The following ZNF728 variants were observed in gnomAD, a reference collection of about 807,000 sequenced individuals.
ZNF728 encodes the protein zinc finger protein 728.
In ZNF728, 12 loss-of-function variants were observed where a neutral mutation model predicts 12.5. The observed-to-expected ratio is 0.96, with a 90% CI of 0.61 to 1.55. ZNF728 has a LOEUF of 1.55. Among genes scored for constraint, ZNF728 ranks in the 40% most tolerant of loss-of-function variants. ZNF728 has a pLI of 0.00. For missense variants in ZNF728, 692 were observed against 719.2 expected, an observed-to-expected ratio of 0.96 and a Z score of 0.43; for synonymous variants, 205 against 240.7, an observed-to-expected ratio of 0.85 and a Z score of 1.37.
chr19:22,992,795 A>G (rs1311257610), intron 1 of ZNF728, among the ~76,000 whole-genome samples: 4 of 152,146 alleles, frequency 2.6e-5, no homozygotes, highest in Admixed American at 1.3e-4. Context: ...GCCTGACACA[A>G]TTCTGTTCTG....
chr19:22,987,246 G>C, intron 3 of ZNF728, 62 bp downstream of exon 3: 1 of 1,474,778 alleles, frequency 6.8e-7, no homozygotes, highest in South Asian at 1.4e-5. Context: ...TCACTTTAAG[G>C]ACTGGCTTTC....
At chr19:22,995,312 A>G (rs1344382814) in intron 1 of ZNF728, 1 of 152,224 alleles carries the variant, frequency 6.6e-6, no homozygotes, top group Non-Finnish European at 1.5e-5. Context: ...ATTGGATATA[A>G]GATTGATCAA....
intron 1 of ZNF728, among the ~76,000 whole-genome samples, chr19:22,991,055 C>G (rs189317568): frequency 6.6e-6 from 1 of 152,292 alleles, no homozygotes; most frequent in East Asian, 1.9e-4. Flanking sequence ...AACACAGAGT[C>G]CCTTACACCC....
chr19:22,992,905 G>A (rs1227887316), intron 1 of ZNF728, among the ~76,000 whole-genome samples: 1 of 152,112 alleles, frequency 6.6e-6, no homozygotes, highest in Non-Finnish European at 1.5e-5. Context: ...AGAAGACTCG[G>A]GATGATTCTA....
intron 3 of ZNF728, 36 bp downstream of exon 3, chr19:22,987,272 C>T (rs758623890): frequency 8.9e-6 from 14 of 1,579,704 alleles, no homozygotes; most frequent in Admixed American, 1.8e-5. Context: ...GACTTTGGAC[C>T]TCTCATCCAT....
intron 1 of ZNF728, among the ~76,000 whole-genome samples, chr19:22,991,427 T>C (rs1240705019): frequency 1.3e-5 from 2 of 152,170 alleles, no homozygotes; most frequent in South Asian, 4.1e-4. Flanking sequence ...AAGGTAAATA[T>C]AGACAGATGA....
At chr19:22,999,840 G>T (rs1012455042) in intron 1 of ZNF728, among the ~76,000 whole-genome samples, 1 of 152,052 alleles carries the variant, frequency 6.6e-6, no homozygotes, top group African/African-American at 2.4e-5. Flanking sequence ...CTCAGAAATT[G>T]AAATAACAGG....
At chr19:23,001,619 CA>C (rs1969114737) in intron 1 of ZNF728, among the ~76,000 whole-genome samples, 1 of 152,080 alleles carries the variant, frequency 6.6e-6, no homozygotes, top group South Asian at 2.1e-4. Flanking sequence ...ATAAAGTTTC[CA>C]AAGGGAAATC....
intron 1 of ZNF728, among the ~76,000 whole-genome samples, chr19:22,994,515 T>C (rs1969028461): frequency 6.6e-6 from 1 of 152,214 alleles, no homozygotes. Context: ...CTCAAGAGAT[T>C]GCAAAGACAG....
chr19:22,999,449 T>C (rs1275948841), intron 1 of ZNF728, among the ~76,000 whole-genome samples: 5 of 152,136 alleles, frequency 3.3e-5, no homozygotes, highest in African/African-American at 4.8e-5. Context: ...GCTTCTTCCA[T>C]GGCTGGGGTA....
rs983441344 is a variant in ZNF728 at position 22,975,337 on chromosome 19, T to G, written c.*131A>C. On this transcript the variant is annotated 3_prime_UTR_variant, in exon 4 of 4. Coordinates refer to ENST00000594710, the MANE Select transcript of ZNF728 (RefSeq NM_001267716.2). ...GAATTCCCTCCAGTATGAATTACCT[T>G]ATGTTTAGTAAGGATTGAGGAACAG... 6.0e-6 allele frequency: 5 copies of G among 838,996 alleles called. No individual in the cohort carries two copies. In the African/African-American group the frequency reaches 8.6e-5, roughly 14 times the overall value. 52.0% of individuals were successfully genotyped at this position (838,996 alleles called of 1,614,324 possible).
At position 23,000,886 on chromosome 19, in the gene ZNF728, CCA is replaced by C. The variant is rs1568279330; in HGVS notation, c.3+2140_3+2141del. ...CTGTCAAAAAAAAAAAAAAAAAAAACCAAAAAAAAAAAAACCCTGAGGTCAAA... is the reference window on the plus strand; with the variant it reads ...CTGTCAAAAAAAAAAAAAAAAAAAACAAAAAAAAAAAACCCTGAGGTCAAA... On this transcript the variant is annotated intron_variant, in intron 1 of 3. Coordinates refer to ENST00000594710, the MANE Select transcript of ZNF728 (RefSeq NM_001267716.2). 4.0e-4 allele frequency among the ~76,000 whole-genome samples: 39 copies of C among 98,238 alleles called. 1 individual carries two copies. The highest frequency in any genetic ancestry group is 2.3e-3 in the African/African-American group (38 of 16,220). The allele number at this position is 98,238 out of a possible 152,430, so 64.4% of individuals were successfully genotyped here. A position where few individuals can be genotyped will look rare whatever the true frequency, so the allele number is the denominator to read the frequency against.
In ZNF728 at chr19:22,975,696, C is replaced by A; in HGVS notation, c.1641G>T (p.Trp547Cys). Residue 547 changes from tryptophan to cysteine, a missense_variant, in exon 4 of 4, where the codon TGG becomes TGT. Transcript: ENST00000594710. ...KCEECGKAFI[W>C]SSRLSEHKRI... is the part of the protein sequence containing the mutation. ...TCTTATGTTCACTAAGTCTTGAGGA[C>A]CAGATGAAGGCTTTGCCACATTCTT... 1 of 1,611,240 alleles carries A rather than the reference C, an allele frequency of 6.2e-7. No homozygotes were observed.
intron 3 of ZNF728, among the ~76,000 whole-genome samples, chr19:22,984,454 G>C (rs1968892316): frequency 6.6e-6 from 1 of 151,350 alleles, no homozygotes; most frequent in South Asian, 2.1e-4. Context: ...AGCTACTCAG[G>C]AGGCTGAGGC....
intron 1 of ZNF728, among the ~76,000 whole-genome samples, chr19:23,002,371 A>G (rs1969122358): frequency 6.6e-6 from 1 of 152,220 alleles, no homozygotes; most frequent in Non-Finnish European, 1.5e-5. Context: ...GAAAAAATTC[A>G]GGCTTAACAA....
chr19:22,987,348 G>A lies in ZNF728; in HGVS notation c.186C>T (p.Pro62=). ...LIIFLEQGKE[P]WNMKRHELVK... ...CCAGCTCATGTCTCTTCATATTCCA[G>A]GGCTCTTTTCCTTGCTCCAGAAAAA... The change falls in exon 3 of 4, where the codon CCC becomes CCT. Residue 62 remains proline, a synonymous_variant. Coordinates refer to ENST00000594710, the MANE Select transcript of ZNF728 (RefSeq NM_001267716.2). 1 of 1,612,294 alleles carries A rather than the reference G, an allele frequency of 6.2e-7. No individual in the cohort carries two copies. Among genetic ancestry groups the A allele is most frequent in the Non-Finnish European group, 8.5e-7 (1 of 1,179,138 alleles).
chr19:22,978,643 G>A (rs1480353498), intron 3 of ZNF728, among the ~76,000 whole-genome samples: 6 of 152,152 alleles, frequency 3.9e-5, no homozygotes, highest in East Asian at 1.9e-4. Flanking sequence ...CCTGTGGGAC[G>A]AAGCTTCCAG....
chr19:23,000,606 G>A (rs1265965256), intron 1 of ZNF728, among the ~76,000 whole-genome samples: 1 of 152,024 alleles, frequency 6.6e-6, no homozygotes, highest in Non-Finnish European at 1.5e-5. Flanking sequence ...GCTCACACCT[G>A]CAATCCCAGC....
chr19:22,977,413 T>C (rs961677949), intron 3 of ZNF728, among the ~76,000 whole-genome samples: 2 of 152,170 alleles, frequency 1.3e-5, no homozygotes, highest in African/African-American at 4.8e-5. Context: ...CAATATTACC[T>C]AGTCCCTTCA....
Sources: gnomAD v4.1 joint callset for allele counts (sites outside exome capture counted in the v4.1 genomes callset) on GRCh38, gnomAD v4.1.1 for gene constraint, MANE v1.5 for transcripts, NCBI Gene and HGNC (gene_info 2026-07-23, HGNC 2026-07-21) for gene names.